The following FBXL7 variants were observed in gnomAD, a reference collection of about 807,000 sequenced individuals.
The protein encoded by FBXL7 is F-box and leucine rich repeat protein 7, also known as F-box/LRR-repeat protein 7.
In FBXL7, 12 loss-of-function variants were observed where a neutral mutation model predicts 38.3. That is an observed-to-expected ratio of 0.31 (90% confidence interval 0.20 to 0.51). The LOEUF (loss-of-function observed/expected upper bound fraction) is 0.51. Among genes scored for constraint, FBXL7 ranks in the 20% least tolerant of loss-of-function variants. The probability of loss-of-function intolerance (pLI) is 0.98; values close to 1 mark genes in which losing one functional copy is unlikely to be tolerated. For synonymous variants in FBXL7, 297 were observed against 300.9 expected (o/e 0.99, Z 0.13); for missense variants, 567 against 676.4 (o/e 0.84, Z 1.79).
Position 15,922,918 on chromosome 5 carries a change from A to G in FBXL7, c.128-4972A>G. Among the ~76,000 whole-genome samples the G allele has an allele frequency of 2.6e-5, 4 of 152,374 alleles. No individual in the cohort carries two copies. In the Middle Eastern group the frequency reaches 0.01, roughly 389 times the overall value. On this transcript the variant is annotated intron_variant, in intron 2 of 3. Transcript: ENST00000504595. ...AGATAAATGGCAATTTTGCACCAAG[A>G]CATCAGATCAATGGAAATTCACTTG...
intron 2 of FBXL7, among the ~76,000 whole-genome samples, chr5:15,924,332 T>G (rs1579605594): frequency 6.6e-6 from 1 of 152,250 alleles, no homozygotes; most frequent in Non-Finnish European, 1.5e-5. Flanking sequence ...AGATGTTTGT[T>G]GTGCACCTAC....
intron 2 of FBXL7, among the ~76,000 whole-genome samples, chr5:15,899,043 A>G (rs1483039875): frequency 2.0e-5 from 3 of 152,154 alleles, no homozygotes; most frequent in African/African-American, 7.2e-5. Context: ...ATTTATACAC[A>G]CATTCTATCA....
intron 1 of FBXL7, among the ~76,000 whole-genome samples, chr5:15,502,385 G>A (rs1265238415): frequency 3.9e-5 from 6 of 152,114 alleles, no homozygotes; most frequent in African/African-American, 1.4e-4. Flanking sequence ...CAACCCTTGG[G>A]AGAGAAAAGG....
At chr5:15,788,431 A>G (rs1330239506) in intron 2 of FBXL7, among the ~76,000 whole-genome samples, 3 of 152,316 alleles carry the variant, frequency 2.0e-5, no homozygotes, top group Middle Eastern at 3.4e-3. Context: ...AAAATAAAAC[A>G]TGGGAGAGAA....
At chr5:15,799,356 CTT>C (rs34953272) in intron 2 of FBXL7, among the ~76,000 whole-genome samples, 16 of 90,902 alleles carry the variant, frequency 1.8e-4, no homozygotes, top group African/African-American at 4.3e-4. Flanking sequence ...AAACCCCTCC[CTT>C]TTTTTTTTTT....
chr5:15,730,894 A>G (rs1223439727), intron 2 of FBXL7, among the ~76,000 whole-genome samples: 1 of 152,220 alleles, frequency 6.6e-6, no homozygotes, highest in Non-Finnish European at 1.5e-5. Flanking sequence ...TTTAGTGACA[A>G]TAGAATTCAT....
chr5:15,551,595 C>T (rs1738072878), intron 1 of FBXL7, among the ~76,000 whole-genome samples: 1 of 152,190 alleles, frequency 6.6e-6, no homozygotes, highest in African/African-American at 2.4e-5. Flanking sequence ...GTTGGGACTC[C>T]TGTGGATCTT....
At chr5:15,523,781 C>T (rs1023239578) in intron 1 of FBXL7, among the ~76,000 whole-genome samples, 1 of 152,192 alleles carries the variant, frequency 6.6e-6, no homozygotes, top group African/African-American at 2.4e-5. Context: ...ACGTAGACAT[C>T]ATTTCCACTC....
chr5:15,559,005 GA>G (rs1738333701), intron 1 of FBXL7, among the ~76,000 whole-genome samples: 1 of 152,196 alleles, frequency 6.6e-6, no homozygotes, highest in African/African-American at 2.4e-5. Flanking sequence ...ATGTACCAAA[GA>G]CGGTGCCTGG....
intron 2 of FBXL7, among the ~76,000 whole-genome samples, chr5:15,631,525 G>A (rs1384959220): frequency 4.0e-5 from 6 of 151,740 alleles, no homozygotes; most frequent in South Asian, 4.2e-4. Context: ...GTGAAACCCC[G>A]TCCCTACTAA....
chr5:15,814,983 C>T (rs751375735), intron 2 of FBXL7, among the ~76,000 whole-genome samples: 62 of 152,082 alleles, frequency 4.1e-4, no homozygotes, highest in Non-Finnish European at 7.9e-4. Flanking sequence ...ACTGGTGAGC[C>T]CCTCTCTGAT....
chr5:15,602,940 C>T (rs1377691243), intron 1 of FBXL7, among the ~76,000 whole-genome samples: 1 of 152,106 alleles, frequency 6.6e-6, no homozygotes, highest in Non-Finnish European at 1.5e-5. Context: ...CTCAGGGGAT[C>T]CTCTGGCCTC....
chr5:15,695,639 G>A (rs530063665), intron 2 of FBXL7, among the ~76,000 whole-genome samples: 3 of 152,274 alleles, frequency 2.0e-5, no homozygotes, highest in East Asian at 3.9e-4. Flanking sequence ...CTCCCTGTGT[G>A]TCAGTCACCA....
intron 2 of FBXL7, among the ~76,000 whole-genome samples, chr5:15,886,440 G>C (rs146404767): frequency 1.2e-4 from 19 of 152,222 alleles, no homozygotes; most frequent in East Asian, 1.2e-3. Context: ...TTTTAGATTA[G>C]AGAGGCCTAA....
intron 1 of FBXL7, among the ~76,000 whole-genome samples, chr5:15,595,056 G>A (rs1580392260): frequency 6.6e-6 from 1 of 152,178 alleles, no homozygotes; most frequent in African/African-American, 2.4e-5. Context: ...CTTCTCCCAT[G>A]GGCTCCACGT....
At position 15,936,625 on chromosome 5, in the gene FBXL7, G is replaced by A; in HGVS notation, c.915G>A (p.Leu305=). 1 of 1,609,526 alleles carries A rather than the reference G, an allele frequency of 6.2e-7. No individual in the cohort carries two copies. The highest frequency in any genetic ancestry group is 1.1e-5 in the South Asian group (1 of 91,066). The change falls in exon 4 of 4, where the codon CTG becomes CTA. Residue 305 remains leucine, a synonymous_variant. Transcript: ENST00000504595. This position sits in a 1 kb window ranked among gnomAD's most constrained non-coding sequence, Gnocchi z 6.0. ...GCACGCAGCTCACCCACCTCTACCTGCGCCGCTGCGTCCGCCTGACCGACG... is the reference window on the plus strand; with the variant it reads ...GCACGCAGCTCACCCACCTCTACCTACGCCGCTGCGTCCGCCTGACCGACG... ...AHCTQLTHLY[L]RRCVRLTDEG...
At chr5:15,824,869 A>C (rs1738268784) in intron 2 of FBXL7, among the ~76,000 whole-genome samples, 1 of 152,166 alleles carries the variant, frequency 6.6e-6, no homozygotes, top group Admixed American at 6.5e-5. Context: ...ACAGTTTTAA[A>C]ATTGTCAGGC....
chr5:15,832,632 G>A (rs1308721802), intron 2 of FBXL7, among the ~76,000 whole-genome samples: 1 of 152,180 alleles, frequency 6.6e-6, no homozygotes, highest in Non-Finnish European at 1.5e-5. Context: ...AGACACTTTG[G>A]TGACAAACAA....
At chr5:15,905,675 T>G (rs1370994082) in intron 2 of FBXL7, among the ~76,000 whole-genome samples, 1 of 152,152 alleles carries the variant, frequency 6.6e-6, no homozygotes, top group Non-Finnish European at 1.5e-5. Context: ...CTGTTAACAT[T>G]TGCTGGCAAG....
Sources: gnomAD v4.1 joint callset for allele counts (sites outside exome capture counted in the v4.1 genomes callset) on GRCh38, gnomAD v4.1.1 for gene constraint, Gnocchi (gnomAD v3.1) non-coding constraint, MANE v1.5 for transcripts, NCBI Gene and HGNC (gene_info 2026-07-23, HGNC 2026-07-21) for gene names.